Variants in OSBPL10 observed in about 807,000 individuals in gnomAD.
The protein encoded by OSBPL10 is oxysterol binding protein like 10.
In OSBPL10, 49 loss-of-function variants were observed where a neutral mutation model predicts 81.7. The observed-to-expected ratio is 0.60, with a 90% CI of 0.48 to 0.76. The LOEUF (loss-of-function observed/expected upper bound fraction) is 0.76, where lower values mean the gene tolerates loss of function less well. Ranked by LOEUF, OSBPL10 falls within the 30% of genes least tolerant of loss-of-function variation. The pLI is 0.00. For missense variants in OSBPL10, 923 were observed against 987.8 expected (o/e 0.93, Z 0.88); for synonymous variants, 419 against 383.6 (o/e 1.09, Z -1.08).
At chr3:31,869,660 G>A (rs907260267) in intron 3 of OSBPL10, among the ~76,000 whole-genome samples, 2 of 152,170 alleles carry the variant, frequency 1.3e-5, no homozygotes, top group Non-Finnish European at 2.9e-5. Context: ...AATAAACTAG[G>A]ATGGGAGATG....
chr3:31,919,734 C>T (rs1696858951), intron 1 of OSBPL10, among the ~76,000 whole-genome samples: 1 of 152,204 alleles, frequency 6.6e-6, no homozygotes, highest in Non-Finnish European at 1.5e-5. Flanking sequence ...CAGAATGTGC[C>T]TCCAAAACTG....
At chr3:31,812,802 GAAA>G (rs1699735507) in intron 4 of OSBPL10, among the ~76,000 whole-genome samples, 4 of 50,148 alleles carry the variant, frequency 8.0e-5, no homozygotes, top group East Asian at 8.3e-4. Flanking sequence ...AAGAAAGAAA[GAAA>G]GAAAGAAAGA....
intron 2 of OSBPL10, chr3:32,030,821 G>T (rs1301946732): frequency 9.2e-6 from 5 of 543,238 alleles, no homozygotes; most frequent in Admixed American, 3.2e-5. Flanking sequence ...TATCTCAAGG[G>T]AATGATAAGA....
intron 4 of OSBPL10, among the ~76,000 whole-genome samples, chr3:31,789,710 G>A (rs922745137): frequency 3.3e-5 from 5 of 152,198 alleles, no homozygotes; most frequent in Admixed American, 2.0e-4. Flanking sequence ...AGGCAACGGA[G>A]GCCAGGCCAC....
intron 5 of OSBPL10, among the ~76,000 whole-genome samples, chr3:31,740,264 G>A (rs957334762): frequency 2.6e-5 from 4 of 151,970 alleles, no homozygotes; most frequent in African/African-American, 9.7e-5. Flanking sequence ...GGCTGGTCTC[G>A]AACTCCTGAC....
chr3:31,750,859 C>T (rs1285212420), intron 4 of OSBPL10, among the ~76,000 whole-genome samples: 2 of 151,998 alleles, frequency 1.3e-5, no homozygotes, highest in Non-Finnish European at 2.9e-5. Flanking sequence ...GAACTATATT[C>T]CAATTATACA....
At chr3:31,702,210 A>T (rs1451529772) in intron 7 of OSBPL10, 149 bp downstream of exon 7, 1 of 915,350 alleles carries the variant, frequency 1.1e-6, no homozygotes, top group East Asian at 2.6e-5. Context: ...TTATACCTGG[A>T]ATATCCATAC....
At chr3:32,025,074 G>A (rs915740093) in intron 2 of OSBPL10, among the ~76,000 whole-genome samples, 1 of 152,086 alleles carries the variant, frequency 6.6e-6, no homozygotes, top group Non-Finnish European at 1.5e-5. Context: ...CCTTGTTCAT[G>A]ATCTTAGGAG....
chr3:31,748,347 AAGGGGCCATT>A (rs1181895347), intron 4 of OSBPL10, among the ~76,000 whole-genome samples: 1 of 152,182 alleles, frequency 6.6e-6, no homozygotes, highest in Non-Finnish European at 1.5e-5. Context: ...TTCAAGCTAA[AAGGGGCCATT>A]AGGGCCATCT....
At chr3:31,675,291 T>C (rs1700438443) in intron 8 of OSBPL10, among the ~76,000 whole-genome samples, 1 of 152,208 alleles carries the variant, frequency 6.6e-6, no homozygotes, top group Non-Finnish European at 1.5e-5. Flanking sequence ...TTCATAAATA[T>C]AAACTTTGTA....
In OSBPL10 at chr3:32,054,636, A is replaced by G. The variant is rs2125436414; in HGVS notation, n.186-8033T>C. On this transcript the variant is annotated intron_variant and non_coding_transcript_variant, in intron 1 of 3. Transcript: ENST00000479173. ...AACCTCTGCCTCCCAGGTTCAAACG[A>G]TTCTCCTGCCTCAGCCTCCCAAGTA... 1.3e-5 allele frequency among the ~76,000 whole-genome samples: 2 copies of G among 150,310 alleles called. 1 individual carries two copies. The highest frequency in any genetic ancestry group is 4.2e-4 in the South Asian group (2 of 4,758).
intron 1 of OSBPL10, 53 bp downstream of exon 1, chr3:31,980,820 GACACACATACACACACGCACGCACAC>G (rs1350803333): frequency 7.0e-6 from 10 of 1,420,958 alleles, no homozygotes; most frequent in Admixed American, 2.9e-5. Flanking sequence ...CACATACACA[GACACACATACACACACGCACGCACAC>G]ACACACACAC....
intron 1 of OSBPL10, among the ~76,000 whole-genome samples, chr3:31,884,827 A>G (rs999181952): frequency 2.6e-5 from 4 of 152,214 alleles, no homozygotes; most frequent in African/African-American, 7.2e-5. Flanking sequence ...TACAGTGTGC[A>G]ACTTGACTGC....
At position 32,071,500 on chromosome 3, in the gene OSBPL10, CA is replaced by C. The variant is rs532356807; in HGVS notation, n.185+5895del. On this transcript the variant is annotated intron_variant and non_coding_transcript_variant, in intron 1 of 3. Transcript: ENST00000479173. ...CACACAGCTGAAGTGCAGGGCTGTG[CA>C]GTCGGAATTCTTACAGAAGGACCAG... Among the ~76,000 whole-genome samples the C allele has an allele frequency of 1.4e-3, 207 of 152,320 alleles. 1 individual carries two copies. The highest frequency in any genetic ancestry group is 4.7e-3 in the African/African-American group (197 of 41,572).
chr3:32,016,673 T>C (rs1308242634), intron 2 of OSBPL10, among the ~76,000 whole-genome samples: 2 of 152,200 alleles, frequency 1.3e-5, no homozygotes, highest in African/African-American at 4.8e-5. Context: ...TTTTGGTAAT[T>C]AGAATAGGTT....
At chr3:32,075,763 A>G (rs1699869139) in intron 1 of OSBPL10, among the ~76,000 whole-genome samples, 2 of 152,198 alleles carry the variant, frequency 1.3e-5, no homozygotes, top group African/African-American at 4.8e-5. Flanking sequence ...TTATTAATAT[A>G]AGAAGACAGG....
At chr3:31,784,716 G>A (rs532572473) in intron 4 of OSBPL10, among the ~76,000 whole-genome samples, 13 of 151,674 alleles carry the variant, frequency 8.6e-5, no homozygotes, top group Admixed American at 2.0e-4. Flanking sequence ...CCCAGTAACC[G>A]GGATTACAGG....
intron 3 of OSBPL10, among the ~76,000 whole-genome samples, chr3:31,848,747 G>T (rs150443875): frequency 6.6e-6 from 1 of 152,268 alleles, no homozygotes; most frequent in Admixed American, 6.5e-5. Flanking sequence ...CCATCTAAAA[G>T]CATGGCCAAT....
At chr3:31,906,682 C>T (rs1267888861) in intron 1 of OSBPL10, among the ~76,000 whole-genome samples, 1 of 152,178 alleles carries the variant, frequency 6.6e-6, no homozygotes, top group Non-Finnish European at 1.5e-5. Flanking sequence ...AATCCTCCTC[C>T]CACACTGGCT....
Sources: gnomAD v4.1 joint callset for allele counts (sites outside exome capture counted in the v4.1 genomes callset) on GRCh38, gnomAD v4.1.1 for gene constraint, MANE v1.5 for transcripts, NCBI Gene and HGNC (gene_info 2026-07-23, HGNC 2026-07-21) for gene names.